Variants in SLC27A6 observed in about 807,000 individuals in gnomAD.
SLC27A6 encodes the protein long-chain fatty acid transport protein 6.
Under a neutral mutation model 63.9 loss-of-function variants are expected in SLC27A6, and 74 were observed. The ratio of observed to expected loss-of-function variants is 1.16; its 90% CI spans 0.96 to 1.40. The LOEUF is 1.40. Ranked by LOEUF, SLC27A6 falls within the 40% of genes most tolerant of loss-of-function variation. SLC27A6 has a pLI of 0.00. For missense variants in SLC27A6, 794 were observed against 732.9 expected (o/e 1.08, Z -0.96); for synonymous variants, 287 against 260.8 (o/e 1.10, Z -0.97).
In SLC27A6 at chr5:128,966,067, G is replaced by T. The variant is rs1580691420; in HGVS notation, c.-71G>T. 1.3e-6 allele frequency: 2 copies of T among 1,503,836 alleles called. No individual in the cohort carries two copies. Among genetic ancestry groups the T allele is most frequent in the Non-Finnish European group, 1.8e-6 (2 of 1,128,304 alleles). 93.2% of individuals were successfully genotyped at this position (1,503,836 alleles called of 1,614,324 possible). ...AGTGAGGATCTGCGGTCTCCGTGGA[G>T]AGCTGTGCCTGGAAGAGAAGGACGC... On this transcript the variant is annotated 5_prime_UTR_variant, in exon 1 of 10. Transcript: ENST00000262462.
chr5:128,968,760 T>C (rs182027956), intron 1 of SLC27A6, among the ~76,000 whole-genome samples: 1 of 151,942 alleles, frequency 6.6e-6, no homozygotes, highest in Admixed American at 6.6e-5. Context: ...AGAAGCTCTT[T>C]AGTTTAATTA....
chr5:129,000,047 G>A (rs1221784424), intron 4 of SLC27A6, among the ~76,000 whole-genome samples: 6 of 152,174 alleles, frequency 3.9e-5, no homozygotes, highest in African/African-American at 1.4e-4. Flanking sequence ...GCCTGTATAT[G>A]TTGATCTGAA....
intron 4 of SLC27A6, among the ~76,000 whole-genome samples, chr5:129,011,079 A>G (rs996006716): frequency 8.5e-5 from 13 of 152,190 alleles, no homozygotes; most frequent in East Asian, 1.9e-4. Context: ...ATTGCTTTCA[A>G]TTGAGACTTA....
intron 5 of SLC27A6, among the ~76,000 whole-genome samples, chr5:129,023,115 A>C (rs1752130364): frequency 6.6e-6 from 1 of 152,124 alleles, no homozygotes; most frequent in African/African-American, 2.4e-5. Flanking sequence ...GAAAAGGACA[A>C]AGTGGCTGTC....
At chr5:128,970,154 G>T (rs1402581910) in intron 1 of SLC27A6, among the ~76,000 whole-genome samples, 6 of 150,038 alleles carry the variant, frequency 4.0e-5, no homozygotes, top group Admixed American at 1.3e-4. Context: ...TGTTCTGCTG[G>T]ATTTGGTTTG....
chr5:128,967,936 G>C (rs927927526), intron 1 of SLC27A6, among the ~76,000 whole-genome samples: 3 of 151,534 alleles, frequency 2.0e-5, no homozygotes, highest in African/African-American at 7.3e-5. Flanking sequence ...GACAGGCCCT[G>C]GTGTGTGATG....
chr5:128,965,967 C>T lies in SLC27A6; in HGVS notation c.-171C>T. Reference sequence around the variant, plus strand: ...ACCTTTTCGGTGCAAACCTACGATTCTGTTTCTCAGGATTCCTCCCCATCC... The same window carrying T: ...ACCTTTTCGGTGCAAACCTACGATTTTGTTTCTCAGGATTCCTCCCCATCC... On this transcript the variant is annotated 5_prime_UTR_variant, in exon 1 of 10. Transcript: ENST00000262462. 3 of 692,140 alleles carry T rather than the reference C, an allele frequency of 4.3e-6. No individual in the cohort carries two copies. Among genetic ancestry groups the T allele is most frequent in the Non-Finnish European group, 6.5e-6 (3 of 461,498 alleles). 42.9% of individuals were successfully genotyped at this position (692,140 alleles called of 1,614,324 possible). A position where few individuals can be genotyped will look rare whatever the true frequency, so the allele number is the denominator to read the frequency against.
At chr5:129,007,077 A>G (rs1220183025) in intron 4 of SLC27A6, among the ~76,000 whole-genome samples, 1 of 152,186 alleles carries the variant, frequency 6.6e-6, no homozygotes, top group South Asian at 2.1e-4. Flanking sequence ...TTTTGCTTAT[A>G]GGATGGGAAA....
intron 1 of SLC27A6, among the ~76,000 whole-genome samples, chr5:128,982,783 G>C (rs1750638556): frequency 6.6e-6 from 1 of 152,168 alleles, no homozygotes. Context: ...AGCATGATGT[G>C]TGTGTGTTAA....
At chr5:128,972,447 G>T (rs767028536) in intron 1 of SLC27A6, among the ~76,000 whole-genome samples, 6 of 152,036 alleles carry the variant, frequency 3.9e-5, no homozygotes, top group Admixed American at 1.3e-4. Flanking sequence ...ATTTCTTCGA[G>T]GCTTTGTTTT....
At chr5:129,032,427 T>A (rs1752443825) in intron 9 of SLC27A6, among the ~76,000 whole-genome samples, 1 of 152,020 alleles carries the variant, frequency 6.6e-6, no homozygotes, top group South Asian at 2.1e-4. Context: ...CTGTACTTGC[T>A]TTTTATCCCA....
intron 4 of SLC27A6, among the ~76,000 whole-genome samples, chr5:128,997,057 T>G (rs553852563): frequency 6.6e-6 from 1 of 152,150 alleles, no homozygotes; most frequent in Non-Finnish European, 1.5e-5. Context: ...AAGTGTTTTA[T>G]CATGTTTTCT....
chr5:128,994,947 T>C (rs1751106440), intron 4 of SLC27A6, among the ~76,000 whole-genome samples: 1 of 152,210 alleles, frequency 6.6e-6, no homozygotes, highest in African/African-American at 2.4e-5. Context: ...ATGTACTTCT[T>C]TAAAACTGCT....
chr5:129,019,667 A>G (rs1752013206), intron 5 of SLC27A6, among the ~76,000 whole-genome samples: 1 of 152,018 alleles, frequency 6.6e-6, no homozygotes, highest in Admixed American at 6.5e-5. Flanking sequence ...GCTCAGCTCA[A>G]AGAAAAAAAT....
intron 4 of SLC27A6, among the ~76,000 whole-genome samples, chr5:129,007,583 AAAG>A (rs1413335045): frequency 2.6e-5 from 4 of 152,096 alleles, no homozygotes; most frequent in Admixed American, 6.6e-5. Flanking sequence ...TTAAAAATAA[AAAG>A]AAATTAAACA....
Position 128,997,954 on chromosome 5 carries a change from A to G in SLC27A6, c.969+7490A>G, listed in dbSNP as rs1561621314. ...ATGAGATATATGTGAAAAACTGTAA[A>G]CAAGGAAGCCGAATACAAATGGAAG... On this transcript the variant is annotated intron_variant, in intron 4 of 9. Coordinates refer to ENST00000262462, the MANE Select transcript of SLC27A6 (RefSeq NM_001017372.3). Among the ~76,000 whole-genome samples the G allele has an allele frequency of 5.3e-5, 8 of 152,176 alleles. No individual in the cohort carries two copies. In the South Asian group the frequency reaches 1.7e-3, roughly 32 times the overall value.
chr5:129,004,128 G>A (rs1426537558), intron 4 of SLC27A6, among the ~76,000 whole-genome samples: 2 of 152,106 alleles, frequency 1.3e-5, no homozygotes, highest in Non-Finnish European at 2.9e-5. Context: ...TTATCTTGAG[G>A]AATTGTCTCA....
At position 129,029,659 on chromosome 5, in the gene SLC27A6, T is replaced by G. The variant is rs1752356340; in HGVS notation, c.1635T>G (p.Val545=). The G allele has an allele frequency of 1.2e-6, 2 of 1,602,692 alleles. No homozygotes were observed. The highest frequency in any genetic ancestry group is 1.1e-5 in the South Asian group (1 of 88,398). The change falls in exon 9 of 10, where the codon GTT becomes GTG. Residue 545 remains valine (V), a synonymous_variant. Transcript: ENST00000262462. ...SLDLEKVYEQ[V]VTFLPAYACP... ...ATTTGGAAAAAGTTTATGAACAAGT[T>G]GTAACATTTCTACCAGCTTATGCTT...
At chr5:129,004,753 G>C (rs1431278166) in intron 4 of SLC27A6, among the ~76,000 whole-genome samples, 1 of 152,106 alleles carries the variant, frequency 6.6e-6, no homozygotes, top group Non-Finnish European at 1.5e-5. Context: ...CTTAGGTGAC[G>C]TACCACTAAT....
Sources: allele counts gnomAD v4.1 joint callset (sites outside exome capture counted in the v4.1 genomes callset), GRCh38; gene constraint gnomAD v4.1.1; transcripts MANE v1.5; gene names NCBI Gene and HGNC (gene_info 2026-07-23, HGNC 2026-07-21).